Variants in C4BPA observed in about 807,000 individuals in gnomAD.
C4BPA encodes complement component 4 binding protein alpha.
Under a neutral mutation model 63.7 loss-of-function variants are expected in C4BPA, and 31 were observed. That is an observed-to-expected ratio of 0.49 (90% CI 0.37 to 0.66). The LOEUF is 0.66. Among genes scored for constraint, C4BPA ranks in the 30% least tolerant of loss-of-function variants. C4BPA has a pLI of 0.00. For missense variants in C4BPA, 572 were observed against 723.3 expected, an observed-to-expected ratio of 0.79 and a Z score of 2.40; for synonymous variants, 259 against 254.7, an observed-to-expected ratio of 1.02 and a Z score of -0.16.
intron 11 of C4BPA, 100 bp downstream of exon 11, chr1:207,144,093 G>A: frequency 1.2e-6 from 1 of 855,730 alleles, no homozygotes; most frequent in South Asian, 2.2e-5. Flanking sequence ...AATCTGACTT[G>A]TCAGGATTCA....
chr1:207,141,184 T>C lies in C4BPA; in HGVS notation c.1352T>C (p.Ile451Thr), dbSNP rs776515699. The C allele has an allele frequency of 1.2e-6, 2 of 1,613,644 alleles. No homozygotes were observed. Among genetic ancestry groups the C allele is most frequent in the Non-Finnish European group, 8.5e-7 (1 of 1,179,600 alleles). ...SSYSFFKEEIIYECDKGYILV... is the reference protein window; with the variant it reads ...SSYSFFKEEITYECDKGYILV... ...TACAGCTTTTTCAAAGAAGAGATTA[T>C]ATATGAATGTGATAAAGGCTACATT... Residue 451 changes from isoleucine to threonine, a missense_variant, in exon 10 of 12, where the codon ATA becomes ACA. Ile to Thr is a moderately conservative substitution (Grantham distance 89). Around this residue, in one of 2 missense-constraint regions of C4BPA, gnomAD observed 465 missense variants for 629.4 expected, o/e 0.74. Coordinates refer to ENST00000367070, the MANE Select transcript of C4BPA (RefSeq NM_000715.4).
chr1:207,117,198 C>T (rs550439575), intron 4 of C4BPA, among the ~76,000 whole-genome samples: 2 of 152,142 alleles, frequency 1.3e-5, no homozygotes, highest in African/African-American at 2.4e-5. Context: ...ACCTGTAATC[C>T]CAGCACTTTG....
intron 4 of C4BPA, among the ~76,000 whole-genome samples, chr1:207,122,916 C>T (rs768987125): frequency 7.2e-5 from 11 of 152,162 alleles, no homozygotes; most frequent in Non-Finnish European, 1.5e-4. Flanking sequence ...ACTTGGATTC[C>T]TTCTTTAGGT....
chr1:207,125,058 G>A (rs1329126268), intron 6 of C4BPA, among the ~76,000 whole-genome samples: 1 of 148,962 alleles, frequency 6.7e-6, no homozygotes, highest in Non-Finnish European at 1.5e-5. Context: ...GTTAGTTAGT[G>A]TGCTAGTCTA....
intron 1 of C4BPA, among the ~76,000 whole-genome samples, chr1:207,108,598 T>C (rs1684604321): frequency 6.6e-6 from 1 of 152,208 alleles, no homozygotes; most frequent in Non-Finnish European, 1.5e-5. Context: ...CTGAATAGCT[T>C]AAAACTTACA....
chr1:207,128,251 T>C (rs996384554), intron 7 of C4BPA, among the ~76,000 whole-genome samples: 12 of 152,204 alleles, frequency 7.9e-5, no homozygotes, highest in Admixed American at 2.6e-4. Context: ...CTGTGGAATA[T>C]GTGTACTTGG....
Position 207,144,828 on chromosome 1 carries a change from A to G in C4BPA, c.*111A>G, listed in dbSNP as rs1685498901. 1.1e-5 allele frequency: 6 copies of G among 537,796 alleles called. No individual in the cohort carries two copies. Among genetic ancestry groups the G allele is most frequent in the Non-Finnish European group, 1.8e-5 (6 of 329,188 alleles). 33.3% of individuals were successfully genotyped at this position (537,796 alleles called of 1,614,324 possible). On this transcript the variant is annotated 3_prime_UTR_variant, in exon 12 of 12. Coordinates refer to ENST00000367070, the MANE Select transcript of C4BPA (RefSeq NM_000715.4). ...ATTTGGCAGTGATATTCATCATAAT[A>G]AATATCTAGAAATGATAATTTGCTA...
At chr1:207,118,470 A>C (rs1302794424) in intron 4 of C4BPA, among the ~76,000 whole-genome samples, 2 of 152,232 alleles carry the variant, frequency 1.3e-5, no homozygotes, top group Non-Finnish European at 2.9e-5. Flanking sequence ...CACCTTCTTC[A>C]CATGGCGGCA....
chr1:207,124,440 A>T, intron 6 of C4BPA, 74 bp downstream of exon 6: 5 of 1,155,606 alleles, frequency 4.3e-6, no homozygotes, highest in South Asian at 1.4e-5. Context: ...AGGTAAATTT[A>T]TTGGGGGGCA....
At chr1:207,112,252 G>T (rs907161484) in intron 1 of C4BPA, among the ~76,000 whole-genome samples, 2 of 151,070 alleles carry the variant, frequency 1.3e-5, no homozygotes, top group African/African-American at 2.4e-5. Flanking sequence ...TTGCTTCATG[G>T]TTTATTGCCT....
intron 1 of C4BPA, among the ~76,000 whole-genome samples, chr1:207,104,668 A>G (rs573142286): frequency 1.3e-5 from 2 of 152,352 alleles, no homozygotes; most frequent in South Asian, 2.1e-4. Context: ...TTCTAATAAA[A>G]TAAGCTAAAG....
At chr1:207,116,253 T>C (rs1684783374) in intron 4 of C4BPA, among the ~76,000 whole-genome samples, 1 of 152,184 alleles carries the variant, frequency 6.6e-6, no homozygotes. Flanking sequence ...AATCTCACTA[T>C]AGTTTCACTG....
intron 1 of C4BPA, among the ~76,000 whole-genome samples, chr1:207,106,066 T>G (rs1044242603): frequency 1.3e-5 from 2 of 152,184 alleles, no homozygotes; most frequent in Non-Finnish European, 2.9e-5. Context: ...AAGAAGCTGA[T>G]ATAGCTTCTT....
chr1:207,114,335 G>GT, intron 3 of C4BPA, 50 bp downstream of exon 3: 1 of 1,432,450 alleles, frequency 7.0e-7, no homozygotes, highest in South Asian at 1.3e-5. Context: ...TCTTTGGAAA[G>GT]TTGTCTCAGA....
At position 207,124,211 on chromosome 1, in the gene C4BPA, G is replaced by A; in HGVS notation, c.551G>A (p.Gly184Glu). Residue 184 changes from glycine (G) to glutamate (E), a missense_variant, in exon 6 of 12, where the codon GGA (glycine) becomes GAA (glutamate). Physicochemically the swap from Gly to Glu is moderately conservative, Grantham distance 98. Coordinates refer to ENST00000367070, the MANE Select transcript of C4BPA (RefSeq NM_000715.4). The part of the protein sequence containing the change: ...KCKPPPDIRN[G>E]RHSGEENFYA... The stretch of plus-strand genomic sequence containing the variant: ...AAGCCTCCTCCAGACATCAGGAATG[G>A]AAGGCACAGCGGTGAAGAAAATTTC... The A allele has an allele frequency of 6.2e-7, 1 of 1,613,900 alleles. No individual in the cohort carries two copies. Among genetic ancestry groups the A allele is most frequent in the Non-Finnish European group, 8.5e-7 (1 of 1,179,904 alleles).
chr1:207,111,451 C>G lies in C4BPA; in HGVS notation c.-25-1550C>G, dbSNP rs374522516. On this transcript the variant is annotated intron_variant, in intron 1 of 11. Transcript: ENST00000367070. Reference sequence around the variant, plus strand: ...GACAGGACGTGTGTGACATGGGGTTCCCACAGCTGACAACAGGTGGAGGGA... The same window carrying G: ...GACAGGACGTGTGTGACATGGGGTTGCCACAGCTGACAACAGGTGGAGGGA... Among the ~76,000 whole-genome samples the G allele has an allele frequency of 1.1e-4, 16 of 152,232 alleles. 1 individual carries two copies. The highest frequency in any genetic ancestry group is 3.4e-4 in the African/African-American group (14 of 41,548).
intron 7 of C4BPA, 127 bp downstream of exon 7, chr1:207,127,022 ATTTCC>A (rs1043014470): frequency 1.5e-6 from 1 of 651,724 alleles, no homozygotes; most frequent in Non-Finnish European, 2.6e-6. Context: ...TAGATCAATA[ATTTCC>A]TTTATTTTTT....
chr1:207,116,284 G>T (rs1286590378), intron 4 of C4BPA, among the ~76,000 whole-genome samples: 1 of 152,048 alleles, frequency 6.6e-6, no homozygotes, highest in Non-Finnish European at 1.5e-5. Flanking sequence ...TTATTGTCAG[G>T]GAGGTTAAGT....
intron 1 of C4BPA, among the ~76,000 whole-genome samples, chr1:207,112,453 G>A (rs1339374923): frequency 6.8e-6 from 1 of 148,104 alleles, no homozygotes; most frequent in Non-Finnish European, 1.5e-5. Flanking sequence ...CAACCTCCCT[G>A]TTTCTTTCCT....
Sources: allele counts gnomAD v4.1 joint callset (sites outside exome capture counted in the v4.1 genomes callset), GRCh38; gene constraint gnomAD v4.1.1; regional missense constraint gnomAD v4.1.1; transcripts MANE v1.5; gene names NCBI Gene and HGNC (gene_info 2026-07-23, HGNC 2026-07-21).